Variants in CELF5 observed in about 807,000 individuals in gnomAD.
CELF5 encodes CUG-BP and ETR-3 like factor 5.
A neutral mutation model predicts 54.9 loss-of-function variants in CELF5; 6 were observed. That is an observed-to-expected ratio of 0.11 (90% CI 0.06 to 0.22). CELF5 has a LOEUF of 0.22. CELF5 is among the 10% of genes least tolerant of loss of function. CELF5 has a pLI of 1.00. For missense variants in CELF5, 401 were observed against 678.6 expected, an observed-to-expected ratio of 0.59 and a Z score of 4.54; for synonymous variants, 271 against 290.9, an observed-to-expected ratio of 0.93 and a Z score of 0.70.
chr19:3,226,285 G>T (rs1448543464), intron 1 of CELF5, among the ~76,000 whole-genome samples: 1 of 152,066 alleles, frequency 6.6e-6, no homozygotes, highest in Non-Finnish European at 1.5e-5. Context: ...ATGAATGAAT[G>T]AATGAATGAA....
intron 1 of CELF5, among the ~76,000 whole-genome samples, chr19:3,235,681 T>TGG (rs1917543677): frequency 1.2e-4 from 3 of 24,042 alleles, no homozygotes; most frequent in African/African-American, 1.7e-4. Context: ...TGGATGGATG[T>TGG]GTGGATGGGT....
rs1338496067 is a variant in CELF5, at chr19:3,296,889, T to G, written c.*172T>G. Reference sequence around the variant, plus strand: ...AAGCAAAGAACTTGGAACTTTGGGTTGACTCGGTTTGAGTTTTGTGTCAAA... The same window carrying G: ...AAGCAAAGAACTTGGAACTTTGGGTGGACTCGGTTTGAGTTTTGTGTCAAA... On this transcript the variant is annotated 3_prime_UTR_variant, in exon 13 of 13. Transcript: ENST00000292672. 6.6e-6 allele frequency: 1 copy of G among 152,252 alleles called. No homozygotes were observed. Among genetic ancestry groups the G allele is most frequent in the Admixed American group, 6.5e-5 (1 of 15,278 alleles). The allele number at this position is 152,252 out of a possible 1,614,324, so 9.4% of individuals were successfully genotyped here.
At chr19:3,276,095 G>A (rs1465397935) in intron 4 of CELF5, 111 bp downstream of exon 4, 6 of 745,308 alleles carry the variant, frequency 8.1e-6, no homozygotes, top group Non-Finnish European at 1.0e-5. Flanking sequence ...GCTCTGGGGT[G>A]GGACCCTGGG....
intron 1 of CELF5, among the ~76,000 whole-genome samples, chr19:3,250,032 C>T (rs975653779): frequency 5.3e-5 from 8 of 152,140 alleles, no homozygotes; most frequent in African/African-American, 1.2e-4. Context: ...TCACCCTTTG[C>T]GGGGGTGTAT....
intron 1 of CELF5, among the ~76,000 whole-genome samples, chr19:3,226,594 C>A (rs369993365): frequency 6.6e-6 from 1 of 152,082 alleles, no homozygotes; most frequent in African/African-American, 2.4e-5. Flanking sequence ...TTTTCCCACA[C>A]GCCCCCACCC....
chr19:3,293,290 A>G (rs761983214), intron 11 of CELF5, 29 bp from the exon 12 acceptor site: 1 of 1,613,354 alleles, frequency 6.2e-7, no homozygotes, highest in East Asian at 2.2e-5. Flanking sequence ...CGCAGCGCCA[A>G]CCACGGAGGT....
At chr19:3,243,610 T>C (rs2079522386) in intron 1 of CELF5, among the ~76,000 whole-genome samples, 1 of 152,120 alleles carries the variant, frequency 6.6e-6, no homozygotes, top group African/African-American at 2.4e-5. Context: ...TCACTGCACG[T>C]CTGTGCTGAT....
intron 1 of CELF5, 113 bp from the exon 2 acceptor site, chr19:3,250,872 C>G: frequency 2.0e-6 from 1 of 490,878 alleles, no homozygotes; most frequent in Non-Finnish European, 3.7e-6. Flanking sequence ...TAGATCTATG[C>G]ATCTGTGGAT....
Position 3,224,699 on chromosome 19 carries a change from C to T in CELF5, c.-41C>T. 1 of 1,003,670 alleles carries T rather than the reference C, an allele frequency of 1.0e-6. No individual in the cohort carries two copies. The highest frequency in any genetic ancestry group is 1.7e-5 in the African/African-American group (1 of 57,150). The allele number at this position is 1,003,670 out of a possible 1,614,324, so 62.2% of individuals were successfully genotyped here. ...GCCGCTCCAGCTGCGAGTCCGCCCG[C>T]CGCCCGCCGCCGCCGCCGCCGGCTC... On this transcript the variant is annotated 5_prime_UTR_variant, in exon 1 of 13. Transcript: ENST00000292672.
chr19:3,224,695 C>CCCGCCGCCCG lies in CELF5; in HGVS notation c.-36_-27dup. The CCCGCCGCCCG allele has an allele frequency of 1.0e-6, 1 of 998,022 alleles. No individual in the cohort carries two copies. The highest frequency in any genetic ancestry group is 1.2e-6 in the Non-Finnish European group (1 of 838,842). 61.8% of individuals were successfully genotyped at this position (998,022 alleles called of 1,614,324 possible). A position where few individuals can be genotyped will look rare whatever the true frequency, so the allele number is the denominator to read the frequency against. The stretch of plus-strand genomic sequence containing the variant: ...GGCCGCCGCTCCAGCTGCGAGTCCG[C>CCCGCCGCCCG]CCGCCGCCCGCCGCCGCCGCCGCCG... On this transcript the variant is annotated 5_prime_UTR_variant, in exon 1 of 13. Transcript: ENST00000292672.
intron 1 of CELF5, among the ~76,000 whole-genome samples, chr19:3,241,619 G>A (rs1429469751): frequency 6.6e-6 from 1 of 152,026 alleles, no homozygotes; most frequent in Non-Finnish European, 1.5e-5. Context: ...CCTGGCGTGG[G>A]TGGGGGATAA....
intron 1 of CELF5, among the ~76,000 whole-genome samples, chr19:3,232,967 G>A (rs1312927132): frequency 6.6e-6 from 1 of 151,908 alleles, no homozygotes; most frequent in African/African-American, 2.4e-5. Context: ...CCAGCTACTC[G>A]GGAGGCTGAG....
At chr19:3,266,099 C>T (rs180832857) in intron 2 of CELF5, among the ~76,000 whole-genome samples, 147 of 152,290 alleles carry the variant, frequency 9.7e-4, no homozygotes, top group Non-Finnish European at 1.4e-3. Flanking sequence ...GAGCGCACCA[C>T]GCCCGACCCC....
chr19:3,280,426 T>A (rs1012186150), intron 5 of CELF5, among the ~76,000 whole-genome samples: 7 of 150,152 alleles, frequency 4.7e-5, no homozygotes, highest in African/African-American at 1.7e-4. Context: ...AAAAAAAAAA[T>A]TAGCTGGGCG....
chr19:3,281,071 G>T lies in CELF5; in HGVS notation c.604-128G>T. 1.7e-6 allele frequency: 2 copies of T among 1,151,846 alleles called. No individual in the cohort carries two copies. Among genetic ancestry groups the T allele is most frequent in the South Asian group, 2.8e-5 (2 of 71,578 alleles). 71.4% of individuals were successfully genotyped at this position (1,151,846 alleles called of 1,614,324 possible). A position where few individuals can be genotyped will look rare whatever the true frequency, so the allele number is the denominator to read the frequency against. ...CTGGCTCCTGGGGTGGGGGCCCGTG[G>T]ACATGGCTGACAGCCACTGGCATTA... On this transcript the variant is annotated intron_variant, in intron 5 of 12. Transcript: ENST00000292672. The surrounding 1 kb of genome is among the most constrained non-coding windows in gnomAD (Gnocchi z 6.5).
At chr19:3,251,671 T>TG in intron 2 of CELF5, among the ~76,000 whole-genome samples, 4 of 141,346 alleles carry the variant, frequency 2.8e-5, no homozygotes, top group African/African-American at 1.0e-4. Flanking sequence ...TTTTTTTTTT[T>TG]TTTGTTGTTG....
intron 1 of CELF5, among the ~76,000 whole-genome samples, chr19:3,238,055 AAG>A (rs1491164715): frequency 6.7e-6 from 1 of 149,878 alleles, no homozygotes; most frequent in African/African-American, 2.5e-5. Context: ...TCTCAAAAAA[AAG>A]AGAATATCTA....
chr19:3,283,604 C>G (rs142580834), intron 8 of CELF5, among the ~76,000 whole-genome samples: 1 of 151,944 alleles, frequency 6.6e-6, no homozygotes, highest in East Asian at 1.9e-4. Flanking sequence ...CCCAAAGTGC[C>G]GGGATTATAG....
chr19:3,234,515 C>T (rs866939735), intron 1 of CELF5, among the ~76,000 whole-genome samples: 1 of 152,124 alleles, frequency 6.6e-6, no homozygotes. Flanking sequence ...GGGTGGAGGC[C>T]AGGAATGCTG....
Sources: gnomAD v4.1 joint callset for allele counts (sites outside exome capture counted in the v4.1 genomes callset) on GRCh38, gnomAD v4.1.1 for gene constraint, Gnocchi (gnomAD v3.1) non-coding constraint, MANE v1.5 for transcripts, NCBI Gene and HGNC (gene_info 2026-07-23, HGNC 2026-07-21) for gene names.